The following OR2L13 variants were observed in gnomAD, a reference collection of about 807,000 sequenced individuals.
The protein encoded by OR2L13 is olfactory receptor 2L13.
A neutral mutation model predicts 15.3 loss-of-function variants in OR2L13; 14 were observed. The observed-to-expected ratio is 0.91, with a 90% CI of 0.60 to 1.43. The LOEUF is 1.43. Among genes scored for constraint, OR2L13 ranks in the 40% most tolerant of loss-of-function variants. The pLI, the probability that OR2L13 is intolerant of heterozygous loss-of-function variation, is 0.00. For missense variants in OR2L13, 367 were observed against 387.9 expected (o/e 0.95, Z 0.45); for synonymous variants, 152 against 142.9 (o/e 1.06, Z -0.45).
the OR2L13 span, chr1:248,003,961 C>T: frequency 1.2e-6 from 2 of 1,613,772 alleles, no homozygotes; most frequent in African/African-American, 2.7e-5. Context: ...CTGTCTTCTA[C>T]ACCACCCTCA....
chr1:248,008,554 A>T, the OR2L13 span, among the ~76,000 whole-genome samples: 1 of 152,156 alleles, frequency 6.6e-6, no homozygotes, highest in Admixed American at 6.5e-5. Context: ...TTTTGTACTT[A>T]CAAAGAGGCT....
the OR2L13 span, among the ~76,000 whole-genome samples, chr1:247,956,262 G>A: frequency 2.6e-5 from 4 of 151,992 alleles, no homozygotes; most frequent in Non-Finnish European, 4.4e-5. Flanking sequence ...GTAGATATGC[G>A]GCATTATTTC....
the OR2L13 span, among the ~76,000 whole-genome samples, chr1:247,994,952 A>G: frequency 1.3e-5 from 2 of 152,212 alleles, no homozygotes; most frequent in Admixed American, 1.3e-4. Context: ...ATATATTTTG[A>G]TGATCTCACT....
the OR2L13 span, among the ~76,000 whole-genome samples, chr1:248,068,318 G>A: frequency 6.6e-6 from 1 of 152,166 alleles, no homozygotes; most frequent in South Asian, 2.1e-4. Context: ...GGAATGATCA[G>A]ACAGCAGTAT....
chr1:248,097,804 A>G (rs1378483010), intron 1 of OR2L13, among the ~76,000 whole-genome samples: 1 of 152,160 alleles, frequency 6.6e-6, no homozygotes, highest in Non-Finnish European at 1.5e-5. Flanking sequence ...AGAAAGCACT[A>G]CAAAAGGCTT....
chr1:248,021,662 A>T, the OR2L13 span, among the ~76,000 whole-genome samples: 5 of 152,366 alleles, frequency 3.3e-5, no homozygotes, highest in South Asian at 6.2e-4. Context: ...TGAGAAAAAG[A>T]AAAAGATAGA....
the OR2L13 span, among the ~76,000 whole-genome samples, chr1:248,037,073 A>G: frequency 6.6e-6 from 1 of 152,144 alleles, no homozygotes; most frequent in Non-Finnish European, 1.5e-5. Flanking sequence ...GAGAATTCAG[A>G]AATTGGATGA....
the OR2L13 span, among the ~76,000 whole-genome samples, chr1:248,006,852 GA>G: frequency 2.0e-5 from 3 of 152,164 alleles, no homozygotes; most frequent in African/African-American, 7.2e-5. Context: ...CCTTTCTCCA[GA>G]CACTGAATCT....
chr1:248,022,361 AAT>A, the OR2L13 span: 1 of 1,614,134 alleles, frequency 6.2e-7, no homozygotes, highest in Non-Finnish European at 8.5e-7. Flanking sequence ...TGAGCAAAAG[AAT>A]GTATGTGCTG....
the OR2L13 span, among the ~76,000 whole-genome samples, chr1:247,947,267 A>G: frequency 6.6e-6 from 1 of 152,200 alleles, no homozygotes; most frequent in Non-Finnish European, 1.5e-5. Flanking sequence ...TTCTTTCTGC[A>G]TATTTTAATC....
chr1:247,961,780 A>AT, the OR2L13 span, among the ~76,000 whole-genome samples: 1 of 152,174 alleles, frequency 6.6e-6, no homozygotes, highest in Non-Finnish European at 1.5e-5. Context: ...AATTTCATGG[A>AT]TAAAATGCAG....
the OR2L13 span, chr1:248,003,842 C>G: frequency 6.2e-7 from 1 of 1,613,374 alleles, no homozygotes; most frequent in Non-Finnish European, 8.5e-7. Context: ...GAAGGCCTAC[C>G]TGACCTGCAG....
chr1:248,065,696 G>A, the OR2L13 span, among the ~76,000 whole-genome samples: 9 of 149,386 alleles, frequency 6.0e-5, no homozygotes, highest in Non-Finnish European at 1.2e-4. Context: ...TTGGTTTTTT[G>A]TCCTTGCGAT....
At chr1:248,069,293 A>C in the OR2L13 span, among the ~76,000 whole-genome samples, 1 of 152,364 alleles carries the variant, frequency 6.6e-6, no homozygotes, top group East Asian at 1.9e-4. Context: ...AAACTCTTCA[A>C]GCCAGAAGAG....
At chr1:247,966,219 C>T in the OR2L13 span, 1 of 1,613,496 alleles carries the variant, frequency 6.2e-7, no homozygotes. Flanking sequence ...ACACCATTGT[C>T]ACACCTCTAC....
At chr1:247,968,225 G>T in the OR2L13 span, among the ~76,000 whole-genome samples, 4 of 152,096 alleles carry the variant, frequency 2.6e-5, no homozygotes, top group South Asian at 2.1e-4. Context: ...TAAACTGAAT[G>T]TCAGAGAGTT....
the OR2L13 span, among the ~76,000 whole-genome samples, chr1:247,973,662 C>T: frequency 1.3e-5 from 2 of 151,986 alleles, no homozygotes; most frequent in Non-Finnish European, 2.9e-5. Flanking sequence ...ATGTGGCCAA[C>T]AAACATTTGA....
chr1:248,049,676 T>C, the OR2L13 span, among the ~76,000 whole-genome samples: 86 of 152,228 alleles, frequency 5.6e-4, 4 homozygotes, highest in Admixed American at 5.4e-3. Flanking sequence ...AAATCCTACT[T>C]GTTTTACATT....
At chr1:247,949,128 A>G in the OR2L13 span, 31 of 1,613,876 alleles carry the variant, frequency 1.9e-5, no homozygotes, top group East Asian at 4.5e-4. Context: ...AAACAAGTCT[A>G]TCTCCTTCAC....
Sources: allele counts gnomAD v4.1 joint callset (sites outside exome capture counted in the v4.1 genomes callset), GRCh38; gene constraint gnomAD v4.1.1; transcripts MANE v1.5; gene names NCBI Gene and HGNC (gene_info 2026-07-23, HGNC 2026-07-21).